ZNF599: variants seen among roughly 807,000 people sequenced by gnomAD.
ZNF599 encodes the protein zinc finger protein 599.
Under a neutral mutation model 11.7 loss-of-function variants are expected in ZNF599, and 10 were observed. The observed-to-expected ratio is 0.86, with a 90% CI of 0.53 to 1.45. The LOEUF is 1.45. Ranked by LOEUF, ZNF599 falls within the 40% of genes most tolerant of loss-of-function variation. The pLI is 0.00. For synonymous variants in ZNF599, 232 were observed against 253.2 expected (o/e 0.92, Z 0.79); for missense variants, 688 against 713.6 (o/e 0.96, Z 0.41).
chr19:34,794,566 CT>C, the ZNF599 span, among the ~76,000 whole-genome samples: 60 of 149,708 alleles, frequency 4.0e-4, 1 homozygote, highest in African/African-American at 1.4e-3. Flanking sequence ...CCTCCTTAAT[CT>C]TTTTTTTTCT....
intron 3 of ZNF599, among the ~76,000 whole-genome samples, chr19:34,766,125 A>T (rs2069141093): frequency 1.3e-5 from 2 of 152,160 alleles, no homozygotes; most frequent in African/African-American, 4.8e-5. Flanking sequence ...CCTCTGAGAC[A>T]TTCAAGTGAA....
At chr19:34,802,119 A>G in the ZNF599 span, among the ~76,000 whole-genome samples, 1 of 152,234 alleles carries the variant, frequency 6.6e-6, no homozygotes, top group Non-Finnish European at 1.5e-5. Flanking sequence ...ATGCCAGTGA[A>G]GTGCACGTGG....
the ZNF599 span, among the ~76,000 whole-genome samples, chr19:34,803,805 C>A: frequency 6.6e-6 from 1 of 152,188 alleles, no homozygotes; most frequent in Non-Finnish European, 1.5e-5. Flanking sequence ...TGGGCTCACT[C>A]TTCATCCTTA....
In ZNF599 at chr19:34,759,983, T is replaced by A. The variant is rs748989299; in HGVS notation, c.818A>T (p.His273Leu). Residue 273 changes from histidine (H) to leucine (L), a missense_variant, in exon 4 of 4, where the codon CAC becomes CTC. By Grantham distance (99) the His-to-Leu change is moderately conservative. Coordinates refer to ENST00000329285, the MANE Select transcript of ZNF599 (RefSeq NM_001007248.3). Reference sequence around the variant, plus strand: ...CTTATCTCCGGTGTGAATACGCTGGTGCTCCGTGAGGTGAAACCTGCGTTT... The same window carrying A: ...CTTATCTCCGGTGTGAATACGCTGGAGCTCCGTGAGGTGAAACCTGCGTTT... ...AFKRRFHLTE[H>L]QRIHTGDKPY... 13 of 1,614,094 alleles carry A rather than the reference T, an allele frequency of 8.1e-6. No individual in the cohort carries two copies. Among genetic ancestry groups the A allele is most frequent in the African/African-American group, 1.3e-5 (1 of 74,940 alleles).
chr19:34,806,916 C>T, the ZNF599 span, among the ~76,000 whole-genome samples: 1 of 152,162 alleles, frequency 6.6e-6, no homozygotes, highest in Non-Finnish European at 1.5e-5. Flanking sequence ...ACCTTTATTG[C>T]TGCAAAAACC....
At chr19:34,766,088 C>A (rs1220006227) in intron 3 of ZNF599, among the ~76,000 whole-genome samples, 3 of 152,090 alleles carry the variant, frequency 2.0e-5, no homozygotes, top group Admixed American at 6.5e-5. Context: ...ATCATGAGGT[C>A]CTTTTAGGCA....
chr19:34,791,663 G>A, the ZNF599 span, among the ~76,000 whole-genome samples: 1 of 152,146 alleles, frequency 6.6e-6, no homozygotes. Flanking sequence ...CCAGTAGCAG[G>A]GAAGTGTATA....
intron 1 of ZNF599, among the ~76,000 whole-genome samples, chr19:34,770,712 C>T (rs1336626521): frequency 6.6e-6 from 1 of 152,214 alleles, no homozygotes; most frequent in African/African-American, 2.4e-5. Context: ...TTAAGCACCA[C>T]GTCTGTCCTG....
At chr19:34,765,639 A>T in intron 3 of ZNF599, 1 of 703,154 alleles carries the variant, frequency 1.4e-6, no homozygotes, top group Non-Finnish European at 2.6e-6. Context: ...AGTGAGAAGG[A>T]AGCTGCAGGA....
chr19:34,776,858 T>C (rs1472183347), upstream of ZNF599, among the ~76,000 whole-genome samples: 1 of 152,162 alleles, frequency 6.6e-6, no homozygotes, highest in Non-Finnish European at 1.5e-5. Context: ...TTTAATTACA[T>C]GCAGATTAAG....
At chr19:34,801,371 C>A in the ZNF599 span, among the ~76,000 whole-genome samples, 1 of 152,228 alleles carries the variant, frequency 6.6e-6, no homozygotes, top group African/African-American at 2.4e-5. Flanking sequence ...AAAACTGGAA[C>A]TTTGGCTAAA....
In ZNF599 at chr19:34,759,908, AAAG is replaced by A. The variant is rs1416750968; in HGVS notation, c.890_892del (p.Ser297del). ...AGTGTGAGTCATATTATGCTGGATAAAAGAAGAGCGGTGGGTGAATGCTTTGCC... is the reference window on the plus strand; with the variant it reads ...AGTGTGAGTCATATTATGCTGGATAAAAGAGCGGTGGGTGAATGCTTTGCC... On this transcript the variant is annotated inframe_deletion, in exon 4 of 4. Transcript: ENST00000329285. The A allele has an allele frequency of 6.2e-6, 10 of 1,614,030 alleles. No individual in the cohort carries two copies. The highest frequency in any genetic ancestry group is 2.7e-5 in the African/African-American group (2 of 74,912).
chr19:34,793,921 T>C, the ZNF599 span, among the ~76,000 whole-genome samples: 1 of 152,166 alleles, frequency 6.6e-6, no homozygotes, highest in Admixed American at 6.5e-5. Flanking sequence ...TCGTATGTAT[T>C]AGTCAGTTTT....
chr19:34,768,950 AG>A (rs1286831669), intron 2 of ZNF599, among the ~76,000 whole-genome samples: 1 of 152,246 alleles, frequency 6.6e-6, no homozygotes, highest in African/African-American at 2.4e-5. Flanking sequence ...CACAGGCCTT[AG>A]GAAGTAAGGG....
At chr19:34,807,138 T>C in the ZNF599 span, among the ~76,000 whole-genome samples, 1 of 152,132 alleles carries the variant, frequency 6.6e-6, no homozygotes, top group Non-Finnish European at 1.5e-5. Context: ...TCTGTAACAA[T>C]CTTCTGTGAC....
the ZNF599 span, among the ~76,000 whole-genome samples, chr19:34,805,924 T>C: frequency 3.3e-5 from 5 of 152,176 alleles, no homozygotes; most frequent in Non-Finnish European, 7.4e-5. Flanking sequence ...CCTCATCCTA[T>C]TGGTTGCTAG....
chr19:34,761,358 AAGTTATC>A (rs1471392534), intron 3 of ZNF599, among the ~76,000 whole-genome samples: 43 of 152,366 alleles, frequency 2.8e-4, no homozygotes, highest in Non-Finnish European at 1.0e-4. Flanking sequence ...AATCAATATA[AAGTTATC>A]AGTTCTCCCT....
At chr19:34,770,568 C>T (rs1276253127) in intron 1 of ZNF599, among the ~76,000 whole-genome samples, 2 of 152,196 alleles carry the variant, frequency 1.3e-5, no homozygotes, top group African/African-American at 4.8e-5. Flanking sequence ...TGTAGACTCC[C>T]TGGAATATCC....
Position 34,758,258 on chromosome 19 carries a change from A to T in ZNF599, c.*776T>A, listed in dbSNP as rs1303004838. On this transcript the variant is annotated 3_prime_UTR_variant, in exon 4 of 4. Coordinates refer to ENST00000329285, the MANE Select transcript of ZNF599 (RefSeq NM_001007248.3). ...CGCTGTATTTCCCCTAGCAACAATC[A>T]TTCAGCATTCACTAATTCAGTGTGC... 3 of 152,230 alleles carry T rather than the reference A, an allele frequency of 2.0e-5. No homozygotes were observed. The highest frequency in any genetic ancestry group is 2.9e-5 in the Non-Finnish European group (2 of 68,034). 9.4% of individuals were successfully genotyped at this position (152,230 alleles called of 1,614,324 possible).
Sources: gnomAD v4.1 joint callset for allele counts (sites outside exome capture counted in the v4.1 genomes callset) on GRCh38, gnomAD v4.1.1 for gene constraint, MANE v1.5 for transcripts, NCBI Gene and HGNC (gene_info 2026-07-23, HGNC 2026-07-21) for gene names.